PASD1: variants seen among roughly 807,000 people sequenced by gnomAD.
The protein encoded by PASD1 is circadian clock protein PASD1.
A neutral mutation model predicts 58.8 loss-of-function variants in PASD1; 13 were observed. The ratio of observed to expected loss-of-function variants is 0.22; its 90% CI spans 0.14 to 0.35. The LOEUF (loss-of-function observed/expected upper bound fraction) is 0.35. PASD1 is among the 10% of genes least tolerant of loss of function. PASD1 has a pLI of 1.00. For synonymous variants in PASD1, 236 were observed against 216.7 expected (o/e 1.09, Z -0.78); for missense variants, 734 against 568.3 (o/e 1.29, Z -2.96).
At chrX:151,595,586 G>A (rs1456260043) in intron 1 of PASD1, among the ~76,000 whole-genome samples, 1 of 109,275 alleles carries the variant, frequency 9.2e-6, no homozygotes, top group Non-Finnish European at 1.9e-5. Context: ...TGTACCCGGC[G>A]TTGTGGCAGG....
Position 151,674,903 on chromosome X carries a change from T to C in PASD1, c.2175+717T>C, listed in dbSNP as rs751264214. On this transcript the variant is annotated intron_variant, in intron 15 of 15. Coordinates refer to ENST00000370357, the MANE Select transcript of PASD1 (RefSeq NM_173493.3). ...AAGCTAAGGCAGAAAGGAGTTTAAA[T>C]ACTTGAGGCAAGCAAATGTATGATT... 2.8e-3 allele frequency among the ~76,000 whole-genome samples: 311 copies of C among 111,709 alleles called. 3 individuals carry two copies. Among genetic ancestry groups the C allele is most frequent in the Non-Finnish European group, 4.5e-3 (237 of 53,121 alleles).
intron 1 of PASD1, among the ~76,000 whole-genome samples, chrX:151,585,449 G>A (rs944684457): frequency 4.5e-5 from 5 of 112,030 alleles, no homozygotes; most frequent in Non-Finnish European, 1.9e-5. Flanking sequence ...GACAGATCAA[G>A]TCAGTGTATA....
At chrX:151,609,501 T>G (rs1814362687) in intron 3 of PASD1, among the ~76,000 whole-genome samples, 3 of 111,844 alleles carry the variant, frequency 2.7e-5, no homozygotes, top group Admixed American at 1.9e-4. Flanking sequence ...GTAACCACCT[T>G]TCTACTTTCT....
Position 151,669,429 on chromosome X carries a change from T to C in PASD1, c.1072-1609T>C, listed in dbSNP as rs148908103. The stretch of plus-strand genomic sequence containing the variant: ...GGGAGCATTACAATTCTTTTAGCTA[T>C]TTTAAAATATACAATAGATTGTTTT... On this transcript the variant is annotated intron_variant, in intron 11 of 15. Transcript: ENST00000370357. 5.2e-3 allele frequency among the ~76,000 whole-genome samples: 573 copies of C among 110,687 alleles called. 6 individuals are homozygous for C. The highest frequency in any genetic ancestry group is 0.018 in the African/African-American group (545 of 30,467).
chrX:151,623,347 C>G (rs984194798), intron 7 of PASD1, among the ~76,000 whole-genome samples: 1 of 111,701 alleles, frequency 9.0e-6, no homozygotes, highest in Admixed American at 9.6e-5. Flanking sequence ...GGGACTGGAA[C>G]ACATGAAGAG....
At chrX:151,633,217 T>C (rs765421942) in intron 8 of PASD1, among the ~76,000 whole-genome samples, 1 of 111,718 alleles carries the variant, frequency 9.0e-6, no homozygotes, top group East Asian at 2.8e-4. Flanking sequence ...AGAGCATCCA[T>C]GTCTCCTTGC....
intron 1 of PASD1, among the ~76,000 whole-genome samples, chrX:151,576,590 A>G (rs1474823169): frequency 8.9e-6 from 1 of 112,303 alleles, no homozygotes; most frequent in South Asian, 3.7e-4. Context: ...AATTTCCCTC[A>G]GAGAATTATA....
At chrX:151,640,185 A>T (rs1483316080) in intron 8 of PASD1, among the ~76,000 whole-genome samples, 2 of 111,636 alleles carry the variant, frequency 1.8e-5, no homozygotes, top group Non-Finnish European at 3.8e-5. Context: ...TAGCATGAAC[A>T]TATGTACCTA....
chrX:151,607,659 TTCC>T (rs2013504882), intron 3 of PASD1, among the ~76,000 whole-genome samples: 1 of 111,995 alleles, frequency 8.9e-6, no homozygotes, highest in Non-Finnish European at 1.9e-5. Context: ...TATCTACCAG[TTCC>T]TTTCTTTCTC....
chrX:151,673,665 A>C (rs775031154), intron 14 of PASD1: 228 of 404,889 alleles, frequency 5.6e-4, no homozygotes, highest in African/African-American at 5.2e-3. Flanking sequence ...CAGAGAGCAT[A>C]GTTGTAGCAG....
intron 11 of PASD1, among the ~76,000 whole-genome samples, chrX:151,669,240 TTATA>T (rs775722925): frequency 1.4e-4 from 15 of 106,485 alleles, no homozygotes; most frequent in African/African-American, 4.4e-4. Flanking sequence ...GGTTTTCATA[TTATA>T]TATATACTAT....
At position 151,622,969 on chromosome X, in the gene PASD1, A is replaced by G. The variant is rs748727270; in HGVS notation, c.451A>G (p.Ser151Gly). Residue 151 changes from serine (S) to glycine (G), a missense_variant, in exon 7 of 16, where the codon AGC becomes GGC. Transcript: ENST00000370357. Reference sequence around the variant, plus strand: ...TGTGGTCTTTAGTGGCTTGTTTTCCAGCCACCTCTGTGCTGACTTTGCTGC... The same window carrying G: ...TGTGGTCTTTAGTGGCTTGTTTTCCGGCCACCTCTGTGCTGACTTTGCTGC... ...FPVVFSGLFS[S>G]HLCADFAACV... The G allele has an allele frequency of 2.5e-6, 3 of 1,206,513 alleles. No homozygotes were observed. Among genetic ancestry groups the G allele is most frequent in the African/African-American group, 3.5e-5 (2 of 56,984 alleles).
At chrX:151,672,088 T>A in intron 13 of PASD1, 95 bp from the exon 14 acceptor site, 1 of 1,092,101 alleles carries the variant, frequency 9.2e-7, no homozygotes, top group African/African-American at 1.9e-5. Context: ...TGTTGTCACC[T>A]TTTGCTTTGC....
intron 7 of PASD1, among the ~76,000 whole-genome samples, chrX:151,624,187 A>G (rs1301377932): frequency 9.0e-6 from 1 of 111,449 alleles, no homozygotes; most frequent in Non-Finnish European, 1.9e-5. Context: ...CTTGGGATGT[A>G]TTTTGGAGGT....
chrX:151,606,632 C>T (rs2013492519), intron 3 of PASD1, among the ~76,000 whole-genome samples: 1 of 111,122 alleles, frequency 9.0e-6, no homozygotes, highest in Admixed American at 9.6e-5. Flanking sequence ...AGAGCTTGCA[C>T]CTTGCCCAAA....
intron 8 of PASD1, among the ~76,000 whole-genome samples, chrX:151,642,781 G>C (rs2014013441): frequency 8.9e-6 from 1 of 112,105 alleles, no homozygotes; most frequent in African/African-American, 3.2e-5. Context: ...GATATATTGT[G>C]CTTGGCCAAT....
At chrX:151,605,490 G>A (rs1430475697) in intron 3 of PASD1, among the ~76,000 whole-genome samples, 2 of 111,578 alleles carry the variant, frequency 1.8e-5, no homozygotes, top group African/African-American at 6.5e-5. Flanking sequence ...GGCATTGTGT[G>A]AGTGAATCTT....
intron 1 of PASD1, among the ~76,000 whole-genome samples, chrX:151,596,309 CA>C (rs1476341592): frequency 8.9e-6 from 1 of 111,849 alleles, no homozygotes; most frequent in Non-Finnish European, 1.9e-5. Flanking sequence ...GGGACATGTG[CA>C]AAAAGTGAGG....
At chrX:151,637,848 G>A (rs1443828333) in intron 8 of PASD1, among the ~76,000 whole-genome samples, 1 of 111,929 alleles carries the variant, frequency 8.9e-6, no homozygotes, top group Non-Finnish European at 1.9e-5. Context: ...TTGACAAAGT[G>A]TATGTTTGAA....
Sources: allele counts gnomAD v4.1 joint callset (sites outside exome capture counted in the v4.1 genomes callset), GRCh38; gene constraint gnomAD v4.1.1; transcripts MANE v1.5; gene names NCBI Gene and HGNC (gene_info 2026-07-23, HGNC 2026-07-21).